Variants in TBC1D13 observed in about 807,000 individuals in gnomAD.
The protein encoded by TBC1D13 is TBC1 domain family member 13, also known as epididymis secretory sperm binding protein.
A neutral mutation model predicts 53.6 loss-of-function variants in TBC1D13; 40 were observed. The observed-to-expected ratio is 0.75, with a 90% CI of 0.58 to 0.97. TBC1D13 has a LOEUF of 0.97. Ranked by LOEUF, TBC1D13 falls within the 50% of genes least tolerant of loss-of-function variation. The probability of loss-of-function intolerance (pLI) is 0.00; values close to 1 mark genes in which losing one functional copy is unlikely to be tolerated. For synonymous variants in TBC1D13, 182 were observed against 197.7 expected, an observed-to-expected ratio of 0.92 and a Z score of 0.67; for missense variants, 377 against 499.4, an observed-to-expected ratio of 0.75 and a Z score of 2.34.
intron 1 of TBC1D13, among the ~76,000 whole-genome samples, chr9:128,787,664 C>T (rs1432854285): frequency 7.2e-6 from 1 of 139,106 alleles, no homozygotes; most frequent in Non-Finnish European, 1.6e-5. Flanking sequence ...CGCCCCCGTG[C>T]CTTTCCCCCT....
chr9:128,796,411 G>C (rs1829632239), intron 6 of TBC1D13, among the ~76,000 whole-genome samples: 1 of 152,044 alleles, frequency 6.6e-6, no homozygotes, highest in Non-Finnish European at 1.5e-5. Context: ...CACCACGCCC[G>C]GGTAATTTTG....
chr9:128,796,271 C>T (rs1482654516), intron 6 of TBC1D13, among the ~76,000 whole-genome samples: 6 of 150,480 alleles, frequency 4.0e-5, no homozygotes, highest in Admixed American at 6.6e-5. Context: ...TTTTTTGAGA[C>T]GGAGTTTCGC....
At chr9:128,790,592 A>G (rs1829513333) in intron 2 of TBC1D13, 143 bp from the exon 3 acceptor site, 11 of 731,972 alleles carry the variant, frequency 1.5e-5, no homozygotes, top group Non-Finnish European at 2.4e-5. Flanking sequence ...GAAACCATCC[A>G]ATCTAGTCAT....
At chr9:128,794,423 C>T (rs117694109) in intron 6 of TBC1D13, among the ~76,000 whole-genome samples, 2,911 of 152,170 alleles carry the variant, frequency 0.019, 39 homozygotes, top group Non-Finnish European at 0.029. Flanking sequence ...AGAACCACTC[C>T]GTGACCTGGG....
chr9:128,807,846 G>T lies in TBC1D13; in HGVS notation c.1170G>T (p.Leu390=). 1 of 1,614,222 alleles carries T rather than the reference G, an allele frequency of 6.2e-7. No individual in the cohort carries two copies. The highest frequency in any genetic ancestry group is 8.5e-7 in the Non-Finnish European group (1 of 1,180,042). The change falls in exon 12 of 12, where the codon CTG becomes CTT. Residue 390 remains leucine, a synonymous_variant. Coordinates refer to ENST00000372648, the MANE Select transcript of TBC1D13 (RefSeq NM_018201.5). ...CCATCACAGATGTCTGCCAGATCCT[G>T]CAGAAAGCCAAGGAGCTCCAAGACT... The part of the protein sequence containing the change: ...DYPITDVCQI[L]QKAKELQDSK
In TBC1D13 at chr9:128,806,275, G is replaced by A. The variant is rs1829831388; in HGVS notation, c.1101G>A (p.Leu367=). 1.2e-6 allele frequency: 2 copies of A among 1,614,062 alleles called. No homozygotes were observed. Among genetic ancestry groups the A allele is most frequent in the South Asian group, 2.2e-5 (2 of 91,084 alleles). Reference sequence around the variant, plus strand: ...ATAGGCTGATCCGGGAGCAGTTGCTGGAAGGGGACTTCACTGTGAATATGC... The same window carrying A: ...ATAGGCTGATCCGGGAGCAGTTGCTAGAAGGGGACTTCACTGTGAATATGC... ...AMLMLIREQL[L]EGDFTVNMRL... The change falls in exon 11 of 12, where the codon CTG becomes CTA. Residue 367 remains leucine, a synonymous_variant. Coordinates refer to ENST00000372648, the MANE Select transcript of TBC1D13 (RefSeq NM_018201.5).
chr9:128,790,493 G>A (rs1052715579), intron 2 of TBC1D13, among the ~76,000 whole-genome samples: 2 of 151,590 alleles, frequency 1.3e-5, no homozygotes, highest in African/African-American at 4.9e-5. Context: ...AGAATCGCTG[G>A]AACTCGGGAG....
chr9:128,807,957 G>C lies in TBC1D13; in HGVS notation c.*78G>C. 1 of 1,416,246 alleles carries C rather than the reference G, an allele frequency of 7.1e-7. No individual in the cohort carries two copies. The highest frequency in any genetic ancestry group is 9.9e-7 in the Non-Finnish European group (1 of 1,007,124). The allele number at this position is 1,416,246 out of a possible 1,614,324, so 87.7% of individuals were successfully genotyped here. ...TGGCTCCCGGGACACATAGAAACCT[G>C]TAGGAACCCAGCCTGAGGGGAAGCC... is the stretch of plus-strand genomic sequence containing the variant. On this transcript the variant is annotated 3_prime_UTR_variant, in exon 12 of 12. Coordinates refer to ENST00000372648, the MANE Select transcript of TBC1D13 (RefSeq NM_018201.5).
rs201827435 is a variant in TBC1D13 at position 128,803,439 on chromosome 9, G to T, written c.733G>T (p.Asp245Tyr). 1.9e-6 allele frequency: 3 copies of T among 1,613,958 alleles called. No homozygotes were observed. The highest frequency in any genetic ancestry group is 3.3e-5 in the Admixed American group (2 of 59,986). Residue 245 changes from aspartate (D) to tyrosine (Y), a missense_variant, in exon 8 of 12, where the codon GAC (aspartate) becomes TAC (tyrosine). By Grantham distance (160) the Asp-to-Tyr change is radical. Transcript: ENST00000372648. ...GCCCCTCTACTACACCTTTGCCACC[G>T]ACCCCAATAGTGAGTGGAAAGGTAA... is the stretch of plus-strand genomic sequence containing the variant. Reference protein sequence around the residue: ...VGPLYYTFATDPNSEWKEHAE... With the variant: ...VGPLYYTFATYPNSEWKEHAE...
intron 6 of TBC1D13, among the ~76,000 whole-genome samples, chr9:128,795,559 C>G (rs1236456804): frequency 6.9e-6 from 1 of 144,416 alleles, no homozygotes; most frequent in Non-Finnish European, 1.5e-5. Flanking sequence ...CTCCCGGGTT[C>G]ACACCATTCT....
intron 8 of TBC1D13, 124 bp from the exon 9 acceptor site, chr9:128,803,832 G>A: frequency 7.8e-7 from 1 of 1,281,528 alleles, no homozygotes; most frequent in Non-Finnish European, 1.1e-6. Context: ...ACAGAGGAAG[G>A]ACTGAGCCAG....
At position 128,798,913 on chromosome 9, in the gene TBC1D13, G is replaced by A. The variant is rs182870844; in HGVS notation, c.543+1699G>A. Among the ~76,000 whole-genome samples the A allele has an allele frequency of 3.2e-4, 48 of 152,216 alleles. No homozygotes were observed. The East Asian group carries it at 8.5e-3, about 27-fold the overall frequency. ...TTTTTAAATAGAGACAGAGTCTTGC[G>A]ATGACACCCAGACTGGTTTTGAACT... On this transcript the variant is annotated intron_variant, in intron 7 of 11. Transcript: ENST00000372648.
rs3833695 is a variant in TBC1D13 at position 128,808,038 on chromosome 9, C to CCTT, written c.*162_*164dup. 126,308 of 662,258 alleles carry CCTT rather than the reference C, an allele frequency of 0.19. 13,334 individuals carry two copies. The highest frequency in any genetic ancestry group is 0.29 in the South Asian group (16,998 of 58,194). The allele number at this position is 662,258 out of a possible 1,614,324, so 41.0% of individuals were successfully genotyped here. On this transcript the variant is annotated 3_prime_UTR_variant, in exon 12 of 12. Coordinates refer to ENST00000372648, the MANE Select transcript of TBC1D13 (RefSeq NM_018201.5). The stretch of plus-strand genomic sequence containing the variant: ...CACTGGGGACACACTGTGCCGTGCT[C>CCTT]CTTCTGCCGCCACGCCCAGCTCCCC...
rs566308523 is a variant in TBC1D13, at chr9:128,807,258, TG to T, written c.1138-555del. 3.7e-3 allele frequency among the ~76,000 whole-genome samples: 570 copies of T among 152,160 alleles called. 2 individuals are homozygous for T. The highest frequency in any genetic ancestry group is 7.7e-3 in the South Asian group (37 of 4,822). On this transcript the variant is annotated intron_variant, in intron 11 of 11. Transcript: ENST00000372648. The stretch of plus-strand genomic sequence containing the variant: ...TGTGCCACCACGTCTGGCTAATTTT[TG>T]TACCTTTAGTAGAGACAGGGTTTCA...
At chr9:128,799,723 C>T (rs1271917261) in intron 7 of TBC1D13, among the ~76,000 whole-genome samples, 3 of 152,196 alleles carry the variant, frequency 2.0e-5, no homozygotes, top group Admixed American at 1.3e-4. Flanking sequence ...TTGTCTGCCG[C>T]ATAAAAAGCT....
intron 1 of TBC1D13, among the ~76,000 whole-genome samples, chr9:128,788,068 T>G (rs1030801025): frequency 6.6e-5 from 10 of 152,256 alleles, no homozygotes; most frequent in African/African-American, 2.4e-4. Flanking sequence ...TTTATGGTCC[T>G]CATTTGGGAA....
chr9:128,804,074 T>C lies in TBC1D13; in HGVS notation c.873T>C (p.Val291=). The C allele has an allele frequency of 6.2e-7, 1 of 1,614,046 alleles. No homozygotes were observed. Among genetic ancestry groups the C allele is most frequent in the Non-Finnish European group, 8.5e-7 (1 of 1,180,008 alleles). The change falls in exon 9 of 12, where the codon GTT becomes GTC. Residue 291 remains valine (V), a synonymous_variant. Transcript: ENST00000372648. ...QCGITYKMEK[V]YSTLKDKDVE... ...GCATCACCTACAAGATGGAGAAGGT[T>C]TACTCCACCTTGAAAGATAAGGATG...
At chr9:128,806,368 A>G in intron 11 of TBC1D13, 57 bp downstream of exon 11, 1 of 1,601,448 alleles carries the variant, frequency 6.2e-7, no homozygotes, top group South Asian at 1.1e-5. Flanking sequence ...CTCGCCAGGC[A>G]CCTGCCCACG....
chr9:128,797,311 T>A (rs1829650127), intron 7 of TBC1D13, 97 bp downstream of exon 7: 1 of 1,323,634 alleles, frequency 7.6e-7, no homozygotes, highest in Non-Finnish European at 1.0e-6. Flanking sequence ...GCCATGACCA[T>A]CTGCTTGACA....
Sources: gnomAD v4.1 joint callset for allele counts (sites outside exome capture counted in the v4.1 genomes callset) on GRCh38, gnomAD v4.1.1 for gene constraint, MANE v1.5 for transcripts, NCBI Gene and HGNC (gene_info 2026-07-23, HGNC 2026-07-21) for gene names.